The following LAMP1 variants were observed in gnomAD, a reference collection of about 807,000 sequenced individuals.
The protein encoded by LAMP1 is lysosome associated membrane protein 1.
Under a neutral mutation model 37.5 loss-of-function variants are expected in LAMP1, and 7 were observed. The observed-to-expected ratio is 0.19, with a 90% CI of 0.11 to 0.35. LAMP1 has a LOEUF of 0.35. Ranked by LOEUF, LAMP1 falls within the 10% of genes least tolerant of loss-of-function variation. LAMP1 has a pLI of 1.00. For missense variants in LAMP1, 537 were observed against 552.8 expected, an observed-to-expected ratio of 0.97 and a Z score of 0.29; for synonymous variants, 236 against 229.1, an observed-to-expected ratio of 1.03 and a Z score of -0.27.
intron 4 of LAMP1, among the ~76,000 whole-genome samples, chr13:113,312,841 G>A (rs987747078): frequency 3.3e-5 from 5 of 152,208 alleles, no homozygotes; most frequent in African/African-American, 1.2e-4. Context: ...CAGAGCTAAA[G>A]ATAACTTCAG....
In LAMP1 at chr13:113,309,837, C is replaced by T. The variant is rs1461051550; in HGVS notation, c.378C>T (p.His126=). 2 of 1,613,186 alleles carry T rather than the reference C, an allele frequency of 1.2e-6. No individual in the cohort carries two copies. Among genetic ancestry groups the T allele is most frequent in the South Asian group, 1.1e-5 (1 of 91,028 alleles). ...TTGTTTATAACTTGTCAGACACACA[C>T]CTTTTCCCCAATGCGAGCTCCAAAG... The part of the protein sequence containing the change: ...MSFVYNLSDT[H]LFPNASSKEI... The change falls in exon 3 of 9, where the codon CAC becomes CAT. Residue 126 remains histidine, a synonymous_variant. Transcript: ENST00000332556.
chr13:113,321,624 G>A lies in LAMP1; in HGVS notation c.1011G>A (p.Lys337=). 6.2e-7 allele frequency: 1 copy of A among 1,614,226 alleles called. No individual in the cohort carries two copies. Among genetic ancestry groups the A allele is most frequent in the South Asian group, 1.1e-5 (1 of 91,092 alleles). ...AGGCCACAGTCGGCAATTCCTACAAGTGCAACGCGGAGGAGCACGTCCGTG... is the reference window on the plus strand; with the variant it reads ...AGGCCACAGTCGGCAATTCCTACAAATGCAACGCGGAGGAGCACGTCCGTG... ...ALQATVGNSY[K]CNAEEHVRVT... Residue 337 remains lysine (K), a synonymous_variant, in exon 8 of 9, where the codon AAG becomes AAA. Coordinates refer to ENST00000332556, the MANE Select transcript of LAMP1 (RefSeq NM_005561.4). The surrounding 1 kb of genome is among the most constrained non-coding windows in gnomAD (Gnocchi z 5.6).
chr13:113,309,682 C>G lies in LAMP1; in HGVS notation c.223C>G (p.Leu75Val). 6.2e-7 allele frequency: 1 copy of G among 1,614,144 alleles called. No homozygotes were observed. Reference protein sequence around the residue: ...FDLPSDATVVLNRSSCGKENT... With the variant: ...FDLPSDATVVVNRSSCGKENT... ...CCTGCCATCAGATGCCACAGTGGTG[C>G]TCAACCGCAGCTCCTGTGGAAAAGA... is the stretch of plus-strand genomic sequence containing the variant. The change falls in exon 3 of 9, where the codon CTC (leucine) becomes GTC (valine). Residue 75 changes from leucine (L) to valine (V), a missense_variant. Coordinates refer to ENST00000332556, the MANE Select transcript of LAMP1 (RefSeq NM_005561.4).
At chr13:113,318,135 CCT>C (rs1176626869) in intron 4 of LAMP1, among the ~76,000 whole-genome samples, 2 of 152,266 alleles carry the variant, frequency 1.3e-5, no homozygotes, top group African/African-American at 4.8e-5. Flanking sequence ...TACTGCAGCT[CCT>C]CTCTGCCATC....
At chr13:113,306,397 A>G (rs2042598481) in intron 1 of LAMP1, 88 bp from the exon 2 acceptor site, 3 of 1,336,514 alleles carry the variant, frequency 2.2e-6, no homozygotes, top group South Asian at 2.8e-5. Flanking sequence ...AATAAAAGCC[A>G]TCACTGCTAC....
At chr13:113,314,957 T>A in intron 4 of LAMP1, among the ~76,000 whole-genome samples, 1 of 99,858 alleles carries the variant, frequency 1.0e-5, no homozygotes, top group East Asian at 4.3e-4. Context: ...GGAACCAGTG[T>A]GGAGATGCCA....
chr13:113,307,953 T>A, intron 2 of LAMP1, among the ~76,000 whole-genome samples: 2 of 101,810 alleles, frequency 2.0e-5, no homozygotes, highest in South Asian at 3.3e-4. Context: ...AGCGAGACCA[T>A]CTCCAAAAAA....
rs1360416724 is a variant in LAMP1 at position 113,301,642 on chromosome 13, AAAATATATATATATATATATAT to A, written c.61+4149_61+4170del. Among the ~76,000 whole-genome samples, 238 of 37,486 alleles carry A rather than the reference AAAATATATATATATATATATAT, an allele frequency of 6.3e-3. 19 individuals carry two copies. Among genetic ancestry groups the A allele is most frequent in the East Asian group, 0.02 (26 of 1,280 alleles). 24.6% of individuals were successfully genotyped at this position (37,486 alleles called of 152,430 possible). On this transcript the variant is annotated intron_variant, in intron 1 of 8. Coordinates refer to ENST00000332556, the MANE Select transcript of LAMP1 (RefSeq NM_005561.4). ...TGTTTCCATTTAAAAAAAAAAAAAA[AAAATATATATATATATATATAT>A]ATATATATATATATATATATATATA... is the stretch of plus-strand genomic sequence containing the variant.
intron 4 of LAMP1, among the ~76,000 whole-genome samples, chr13:113,316,833 G>A (rs1389066874): frequency 6.7e-6 from 1 of 150,306 alleles, no homozygotes; most frequent in African/African-American, 2.4e-5. Context: ...TGGCGCCGCT[G>A]CACTCTAGCC....
chr13:113,310,973 G>A, intron 4 of LAMP1, 106 bp downstream of exon 4: 1 of 926,132 alleles, frequency 1.1e-6, no homozygotes, highest in Non-Finnish European at 1.6e-6. Flanking sequence ...GCTCTGCCTG[G>A]AACGCGTGTG....
Position 113,321,991 on chromosome 13 carries a change from C to T in LAMP1, c.1114+264C>T, listed in dbSNP as rs1400956508. On this transcript the variant is annotated intron_variant, in intron 8 of 8. Transcript: ENST00000332556. The surrounding 1 kb of genome is among the most constrained non-coding windows in gnomAD (Gnocchi z 5.6). ...ACAGTGGTGGCGCTTCTCCCATGAA[C>T]GTTGAATACAACACTGTCATCTGAT... 35 of 587,360 alleles carry T rather than the reference C, an allele frequency of 6.0e-5. No individual in the cohort carries two copies. Among genetic ancestry groups the T allele is most frequent in the Non-Finnish European group, 9.9e-5 (33 of 332,340 alleles). 36.4% of individuals were successfully genotyped at this position (587,360 alleles called of 1,614,324 possible). A position where few individuals can be genotyped will look rare whatever the true frequency, so the allele number is the denominator to read the frequency against.
rs545103414 is a variant in LAMP1, at chr13:113,297,940, C to T, written c.61+445C>T. ...GGTGGGTGACCTAGATCAAGCTCTT[C>T]CCAACATGGATTTCACCCAGGACAG... is the stretch of plus-strand genomic sequence containing the variant. On this transcript the variant is annotated intron_variant, in intron 1 of 8. Coordinates refer to ENST00000332556, the MANE Select transcript of LAMP1 (RefSeq NM_005561.4). This position sits in a 1 kb window ranked among gnomAD's most constrained non-coding sequence, Gnocchi z 4.4. Among the ~76,000 whole-genome samples, 2 of 152,310 alleles carry T rather than the reference C, an allele frequency of 1.3e-5. No individual in the cohort carries two copies. Among genetic ancestry groups the T allele is most frequent in the Admixed American group, 6.5e-5 (1 of 15,298 alleles).
rs566461423 is a variant in LAMP1, at chr13:113,316,969, C to A, written c.563-2500C>A. Among the ~76,000 whole-genome samples the A allele has an allele frequency of 3.5e-4, 53 of 152,124 alleles. 2 individuals carry two copies. In the East Asian group the frequency reaches 9.9e-3, roughly 28 times the overall value. Reference sequence around the variant, plus strand: ...GCAGGAGAAGGTCAGAGGCCTGACACACCCAACATTGTCACAAAAAACTGT... The same window carrying A: ...GCAGGAGAAGGTCAGAGGCCTGACAAACCCAACATTGTCACAAAAAACTGT... On this transcript the variant is annotated intron_variant, in intron 4 of 8. Transcript: ENST00000332556.
At chr13:113,298,713 G>A (rs2042555423) in intron 1 of LAMP1, among the ~76,000 whole-genome samples, 2 of 152,352 alleles carry the variant, frequency 1.3e-5, no homozygotes, top group East Asian at 3.9e-4. Context: ...GCCTTGCTCA[G>A]CTCCTGCGAC....
chr13:113,307,229 C>T (rs1446843996), intron 2 of LAMP1, among the ~76,000 whole-genome samples: 2 of 149,386 alleles, frequency 1.3e-5, no homozygotes, highest in Non-Finnish European at 3.0e-5. Context: ...ACGATCTGAG[C>T]TCGCCACAAC....
intron 4 of LAMP1, among the ~76,000 whole-genome samples, chr13:113,312,155 A>G (rs1267959726): frequency 2.0e-5 from 3 of 152,168 alleles, no homozygotes; most frequent in African/African-American, 7.2e-5. Flanking sequence ...CTCCTCCCCG[A>G]GGAGCAGGTA....
At position 113,297,380 on chromosome 13, in the gene LAMP1, G is replaced by A; in HGVS notation, c.-55G>A. The A allele has an allele frequency of 2.3e-6, 1 of 429,316 alleles. No homozygotes were observed. Among genetic ancestry groups the A allele is most frequent in the Non-Finnish European group, 3.5e-6 (1 of 286,032 alleles). The allele number at this position is 429,316 out of a possible 1,614,324, so 26.6% of individuals were successfully genotyped here. On this transcript the variant is annotated 5_prime_UTR_variant, in exon 1 of 9. Transcript: ENST00000332556. The surrounding 1 kb of genome is among the most constrained non-coding windows in gnomAD (Gnocchi z 4.4). Reference sequence around the variant, plus strand: ...CCACCGCAGCGCCCGGCAGTCCGCGGCCCAACCGCCGCCCGCGCCCCCGCT... The same window carrying A: ...CCACCGCAGCGCCCGGCAGTCCGCGACCCAACCGCCGCCCGCGCCCCCGCT...
chr13:113,309,954 T>G (rs1595459814), intron 3 of LAMP1, 92 bp downstream of exon 3: 1 of 1,027,718 alleles, frequency 9.7e-7, no homozygotes, highest in South Asian at 1.4e-5. Flanking sequence ...ACAGGCTGGG[T>G]GTGGTGGCTC....
At chr13:113,299,062 C>T (rs1433315548) in intron 1 of LAMP1, among the ~76,000 whole-genome samples, 2 of 152,088 alleles carry the variant, frequency 1.3e-5, no homozygotes, top group Non-Finnish European at 2.9e-5. Flanking sequence ...ATTGCTTGAA[C>T]CCGGGAAGCA....
Sources: gnomAD v4.1 joint callset for allele counts (sites outside exome capture counted in the v4.1 genomes callset) on GRCh38, gnomAD v4.1.1 for gene constraint, Gnocchi (gnomAD v3.1) non-coding constraint, MANE v1.5 for transcripts, NCBI Gene and HGNC (gene_info 2026-07-23, HGNC 2026-07-21) for gene names.